Variants in DOCK9 observed in about 807,000 individuals in gnomAD.
DOCK9 encodes dedicator of cytokinesis 9.
Under a neutral mutation model 263.3 loss-of-function variants are expected in DOCK9, and 89 were observed. The observed-to-expected ratio is 0.34, with a 90% CI of 0.28 to 0.40. The LOEUF is 0.40. Ranked by LOEUF, DOCK9 falls within the 10% of genes least tolerant of loss-of-function variation. The pLI, the probability that DOCK9 is intolerant of heterozygous loss-of-function variation, is 1.00. For missense variants in DOCK9, 2,140 were observed against 2,603.4 expected, an observed-to-expected ratio of 0.82 and a Z score of 3.87; for synonymous variants, 976 against 973.1, an observed-to-expected ratio of 1.00 and a Z score of -0.06.
At chr13:98,950,280 A>ATTCC in intron 2 of DOCK9, 1 of 765,968 alleles carries the variant, frequency 1.3e-6, no homozygotes, top group Non-Finnish European at 2.2e-6. Flanking sequence ...ACGAGGAATC[A>ATTCC]TATAGGAATG....
At chr13:99,071,924 AT>A (rs2041698834) in intron 1 of DOCK9, among the ~76,000 whole-genome samples, 1 of 152,220 alleles carries the variant, frequency 6.6e-6, no homozygotes, top group African/African-American at 2.4e-5. Context: ...ATCATGGGGC[AT>A]TAGTTCTGAA....
At chr13:99,014,935 A>T (rs568011525) in intron 1 of DOCK9, among the ~76,000 whole-genome samples, 30 of 152,288 alleles carry the variant, frequency 2.0e-4, no homozygotes, top group East Asian at 9.6e-4. Flanking sequence ...TGGATTTTTT[A>T]AAAAAATAAA....
chr13:98,859,642 T>C (rs1194637043), intron 33 of DOCK9: 2 of 152,070 alleles, frequency 1.3e-5, no homozygotes, highest in Non-Finnish European at 2.9e-5. Flanking sequence ...GGATGCTTTC[T>C]TTATTCAAAA....
chr13:98,805,230 T>C (rs767298885), intron 48 of DOCK9, 21 bp from the exon 49 acceptor site: 4 of 1,557,870 alleles, frequency 2.6e-6, no homozygotes, highest in East Asian at 2.3e-5. Flanking sequence ...AACAGCACAA[T>C]GGGAGATTGG....
intron 1 of DOCK9, among the ~76,000 whole-genome samples, chr13:99,028,621 T>C (rs1040970088): frequency 2.0e-5 from 3 of 152,194 alleles, no homozygotes; most frequent in African/African-American, 7.2e-5. Context: ...CAAACATTGT[T>C]GAAACTTACC....
At position 98,902,935 on chromosome 13, in the gene DOCK9, T is replaced by TAC. The variant is rs1566915873; in HGVS notation, c.1176+36_1176+37insGT. On this transcript the variant is annotated intron_variant, in intron 11 of 52. Transcript: ENST00000682017. ...AGGTACATCTGAAACCTCTGCCTAT[T>TAC]TTTTTTTTAATGTTTATTTTTAAAA... The TAC allele has an allele frequency of 4.9e-6, 6 of 1,236,046 alleles. No homozygotes were observed. In the South Asian group the frequency reaches 9.9e-5, roughly 20 times the overall value. The allele number at this position is 1,236,046 out of a possible 1,614,324, so 76.6% of individuals were successfully genotyped here.
chr13:98,871,544 A>G (rs1208484412), intron 27 of DOCK9, among the ~76,000 whole-genome samples: 2 of 152,238 alleles, frequency 1.3e-5, no homozygotes, highest in Non-Finnish European at 2.9e-5. Flanking sequence ...TACACATTTC[A>G]AGGTAATGAA....
At chr13:98,930,029 CA>C in intron 3 of DOCK9, 138 bp downstream of exon 3, 1 of 747,034 alleles carries the variant, frequency 1.3e-6, no homozygotes, top group East Asian at 2.7e-5. Flanking sequence ...GAAAAATTCA[CA>C]TTATTCTATT....
chr13:98,831,810 T>C, intron 39 of DOCK9, 24 bp from the exon 40 acceptor site: 1 of 1,611,238 alleles, frequency 6.2e-7, no homozygotes, highest in Non-Finnish European at 8.5e-7. Flanking sequence ...TTGACGGCTT[T>C]GTTAGACATA....
At chr13:98,877,598 CT>C (rs2044077355) in intron 27 of DOCK9, among the ~76,000 whole-genome samples, 1 of 152,122 alleles carries the variant, frequency 6.6e-6, no homozygotes, top group Non-Finnish European at 1.5e-5. Context: ...TAGCCAACTC[CT>C]GTTTACTCAT....
At chr13:98,837,131 TA>T (rs1278492725) in intron 39 of DOCK9, among the ~76,000 whole-genome samples, 1 of 152,214 alleles carries the variant, frequency 6.6e-6, no homozygotes, top group Non-Finnish European at 1.5e-5. Context: ...CATAAAAATC[TA>T]ATTAAACGCT....
intron 1 of DOCK9, among the ~76,000 whole-genome samples, chr13:99,014,507 C>T (rs773607398): frequency 9.2e-5 from 14 of 152,136 alleles, no homozygotes; most frequent in Non-Finnish European, 1.8e-4. Flanking sequence ...TCTGGGTTCC[C>T]GCAGGCTGGG....
At chr13:98,979,178 CAATAGTAGTAGTAGTAGT>C (rs1374116715), upstream of DOCK9, among the ~76,000 whole-genome samples, 2 of 117,208 alleles carry the variant, frequency 1.7e-5, no homozygotes, top group Non-Finnish European at 3.6e-5. Flanking sequence ...GTAGCAGCAG[CAATAGTAGTAGTAGTAGT>C]AGTAGTAGTA....
intron 2 of DOCK9, among the ~76,000 whole-genome samples, chr13:98,944,381 A>AG (rs1370211949): frequency 5.7e-5 from 7 of 122,444 alleles, no homozygotes; most frequent in African/African-American, 9.4e-5. Context: ...CCACTATATG[A>AG]GAAAAAAAAA....
intron 44 of DOCK9, chr13:98,826,076 G>C: frequency 1.7e-6 from 1 of 574,062 alleles, no homozygotes; most frequent in Non-Finnish European, 2.8e-6. Flanking sequence ...AGCTGCACCA[G>C]AAATATACAG....
intron 1 of DOCK9, among the ~76,000 whole-genome samples, chr13:99,029,519 A>G (rs1187308639): frequency 6.6e-6 from 1 of 152,206 alleles, no homozygotes; most frequent in African/African-American, 2.4e-5. Flanking sequence ...GTTATAAACA[A>G]TTTTTAAAAA....
At chr13:98,926,624 A>G (rs151252074) in intron 3 of DOCK9, among the ~76,000 whole-genome samples, 3 of 152,336 alleles carry the variant, frequency 2.0e-5, no homozygotes, top group African/African-American at 7.2e-5. Flanking sequence ...AGATCCTCCA[A>G]TAGTGCATAA....
At chr13:98,794,805 C>A in intron 52 of DOCK9, 57 bp from the exon 53 acceptor site, 1 of 1,580,728 alleles carries the variant, frequency 6.3e-7, no homozygotes, top group Non-Finnish European at 8.7e-7. Flanking sequence ...ATATGCAATG[C>A]CATGTTGCCA....
At chr13:98,890,353 T>C (rs1421263562) in intron 15 of DOCK9, among the ~76,000 whole-genome samples, 2 of 152,220 alleles carry the variant, frequency 1.3e-5, no homozygotes, top group East Asian at 3.9e-4. Context: ...AACTGCCCAC[T>C]CACGTGTGCA....
Sources: gnomAD v4.1 joint callset for allele counts (sites outside exome capture counted in the v4.1 genomes callset) on GRCh38, gnomAD v4.1.1 for gene constraint, MANE v1.5 for transcripts, NCBI Gene and HGNC (gene_info 2026-07-23, HGNC 2026-07-21) for gene names.